The following CPAMD8 variants were observed in gnomAD, a reference collection of about 807,000 sequenced individuals.
The protein encoded by CPAMD8 is C3 and PZP-like alpha-2-macroglobulin domain-containing protein 8.
Under a neutral mutation model 224.7 loss-of-function variants are expected in CPAMD8, and 146 were observed. That is an observed-to-expected ratio of 0.65 (90% CI 0.57 to 0.75). CPAMD8 has a LOEUF of 0.75. Among genes scored for constraint, CPAMD8 ranks in the 30% least tolerant of loss-of-function variants. The probability of loss-of-function intolerance (pLI) is 0.00; values close to 1 mark genes in which losing one functional copy is unlikely to be tolerated. For missense variants in CPAMD8, 2,301 were observed against 2,537.5 expected (o/e 0.91, Z 2.00); for synonymous variants, 966 against 1,044.6 (o/e 0.92, Z 1.45).
chr19:16,899,341 G>A lies in CPAMD8; in HGVS notation c.4848+134C>T, dbSNP rs1299179542. The stretch of plus-strand genomic sequence containing the variant: ...CAAAGTGCTGGGATTACAGGCATGA[G>A]CCACCATGCCCGGCCCCAGTGTCTT... On this transcript the variant is annotated intron_variant, in intron 37 of 41. Coordinates refer to ENST00000443236, the MANE Select transcript of CPAMD8 (RefSeq NM_015692.5). This position sits in a 1 kb window ranked among gnomAD's most constrained non-coding sequence, Gnocchi z 5.4. 1.6e-6 allele frequency: 1 copy of A among 609,502 alleles called. No individual in the cohort carries two copies. The highest frequency in any genetic ancestry group is 3.0e-6 in the Non-Finnish European group (1 of 329,882). 37.8% of individuals were successfully genotyped at this position (609,502 alleles called of 1,614,324 possible).
At position 16,896,626 on chromosome 19, in the gene CPAMD8, T is replaced by G. The variant is rs1041177507; in HGVS notation, c.5105A>C (p.Glu1702Ala). 3 of 1,493,626 alleles carry G rather than the reference T, an allele frequency of 2.0e-6. No individual in the cohort carries two copies. In the African/African-American group the frequency reaches 4.3e-5, roughly 21 times the overall value. The allele number at this position is 1,493,626 out of a possible 1,614,324, so 92.5% of individuals were successfully genotyped here. Residue 1702 changes from glutamate (E) to alanine (A), a missense_variant, in exon 40 of 42, where the codon GAG becomes GCG. Physicochemically the swap from Glu to Ala is moderately radical, Grantham distance 107. This residue lies in a region of CPAMD8 where 1,709 missense variants were observed against 1,753.2 expected (regional missense o/e 0.97). Transcript: ENST00000443236. ...PGESGPAVAP[E>A]EGAAIARCGC... The stretch of plus-strand genomic sequence containing the variant: ...GCATCGCGCGATCGCCGCCCCCTCC[T>G]CAGGGGCCACGGCAGGGCCCGACTC...
intron 27 of CPAMD8, among the ~76,000 whole-genome samples, chr19:16,916,805 C>T (rs556053773): frequency 2.6e-5 from 4 of 152,108 alleles, no homozygotes; most frequent in African/African-American, 7.2e-5. Context: ...TCATCCAGGC[C>T]GTTCTCCCTC....
chr19:16,906,947 C>T lies in CPAMD8; in HGVS notation c.4027+5G>A, dbSNP rs1245203292. ...TGGCCTCTGGGGAGGGCCAGGGACA[C>T]CTACCTCGCATGATGGCCAGGCTAC... On this transcript the variant is annotated splice_donor_5th_base_variant and intron_variant, in intron 30 of 41. Coordinates refer to ENST00000443236, the MANE Select transcript of CPAMD8 (RefSeq NM_015692.5). 5.1e-6 allele frequency: 8 copies of T among 1,578,484 alleles called. No homozygotes were observed. Among genetic ancestry groups the T allele is most frequent in the Non-Finnish European group, 6.9e-6 (8 of 1,162,830 alleles).
At chr19:17,010,207 A>G (rs2056608449) in intron 5 of CPAMD8, among the ~76,000 whole-genome samples, 1 of 152,002 alleles carries the variant, frequency 6.6e-6, no homozygotes, top group Admixed American at 6.6e-5. Flanking sequence ...GTCAATGTCA[A>G]AATTATTTTC....
At position 16,914,727 on chromosome 19, in the gene CPAMD8, C is replaced by T; in HGVS notation, c.3716G>A (p.Trp1239Ter). Residue 1239 changes from tryptophan (W) to a stop codon, truncating the protein, a stop_gained, in exon 28 of 42, where the codon TGG becomes TAG. Transcript: ENST00000443236. LOFTEE classifies it high-confidence loss of function. ...ATCGGCCTGCTGCTGCTGGATGATCCAGCTCTTGGCGGCAGCCAGCTCCCG... is the reference window on the plus strand; with the variant it reads ...ATCGGCCTGCTGCTGCTGGATGATCTAGCTCTTGGCGGCAGCCAGCTCCCG... ...DPRELAAAKS[W>*]IIQQQQADGS... 6.2e-7 allele frequency: 1 copy of T among 1,614,118 alleles called. No individual in the cohort carries two copies. The highest frequency in any genetic ancestry group is 8.5e-7 in the Non-Finnish European group (1 of 1,179,998).
At position 16,904,693 on chromosome 19, in the gene CPAMD8, G is replaced by T. The variant is rs2052401767; in HGVS notation, c.4028-141C>A. Reference sequence around the variant, plus strand: ...GAAGAGTATCAGGGGAAGACAGCTGGAACAGGAAGGGCCTTGGGGCTCCAT... The same window carrying T: ...GAAGAGTATCAGGGGAAGACAGCTGTAACAGGAAGGGCCTTGGGGCTCCAT... On this transcript the variant is annotated intron_variant, in intron 30 of 41. Transcript: ENST00000443236. 16 of 669,972 alleles carry T rather than the reference G, an allele frequency of 2.4e-5. No individual in the cohort carries two copies. The Admixed American group carries it at 2.9e-4, about 12-fold the overall frequency. The allele number at this position is 669,972 out of a possible 1,614,324, so 41.5% of individuals were successfully genotyped here. A position where few individuals can be genotyped will look rare whatever the true frequency, so the allele number is the denominator to read the frequency against.
At chr19:17,014,024 C>T (rs59781489) in intron 3 of CPAMD8, among the ~76,000 whole-genome samples, 96,506 of 138,090 alleles carry the variant, frequency 0.7, 32,558 homozygotes, top group Middle Eastern at 0.73. Flanking sequence ...CCCTCCATCC[C>T]TCCCTTCTTT....
chr19:16,925,678 T>A (rs2144932502), intron 25 of CPAMD8, among the ~76,000 whole-genome samples: 1 of 152,358 alleles, frequency 6.6e-6, no homozygotes, highest in African/African-American at 2.4e-5. Context: ...CATTGGCCTC[T>A]AAGTACAACT....
At chr19:16,971,978 C>G (rs766787087) in intron 17 of CPAMD8, among the ~76,000 whole-genome samples, 8 of 151,850 alleles carry the variant, frequency 5.3e-5, no homozygotes, top group Non-Finnish European at 7.4e-5. Context: ...ACCCAGGAGG[C>G]GGAGGTTGCA....
At chr19:16,943,435 GCT>G (rs2053972167) in intron 22 of CPAMD8, among the ~76,000 whole-genome samples, 1 of 151,028 alleles carries the variant, frequency 6.6e-6, no homozygotes, top group Admixed American at 6.6e-5. Flanking sequence ...ACAGGGTCTG[GCT>G]CTGTTTTCCA....
intron 29 of CPAMD8, 23 bp downstream of exon 29, chr19:16,914,401 C>T: frequency 3.1e-6 from 5 of 1,610,802 alleles, no homozygotes; most frequent in Non-Finnish European, 4.2e-6. Context: ...CCCCGAGTCT[C>T]CCCAAACCCC....
At chr19:16,938,508 G>T in intron 22 of CPAMD8, 62 bp from the exon 23 acceptor site, 1 of 896,422 alleles carries the variant, frequency 1.1e-6, no homozygotes, top group Non-Finnish European at 1.8e-6. Flanking sequence ...TCAGCTCAGC[G>T]GAGCAGCTGG....
In CPAMD8 at chr19:16,970,979, C is replaced by G. The variant is rs575780371; in HGVS notation, c.2125G>C (p.Gly709Arg). The G allele has an allele frequency of 2.5e-6, 4 of 1,613,584 alleles. No homozygotes were observed. The African/African-American group carries it at 4.0e-5, about 16-fold the overall frequency. ...DRVSLNHRQD[G>R]GLYTDEAVPA... Reference sequence around the variant, plus strand: ...ACAGCCTCATCGGTGTAGAGGCCACCGTCCTGCCGGTGGTTCAGGCTCACT... The same window carrying G: ...ACAGCCTCATCGGTGTAGAGGCCACGGTCCTGCCGGTGGTTCAGGCTCACT... The change falls in exon 18 of 42, where the codon GGT becomes CGT. Residue 709 changes from glycine (G) to arginine (R), a missense_variant. Around this residue, in one of 4 missense-constraint regions of CPAMD8, gnomAD observed 1,709 missense variants for 1,753.2 expected, o/e 0.97. Transcript: ENST00000443236.
intron 11 of CPAMD8, among the ~76,000 whole-genome samples, chr19:16,995,945 T>C (rs1274702478): frequency 6.6e-6 from 1 of 151,786 alleles, no homozygotes; most frequent in African/African-American, 2.4e-5. Context: ...AGGTCAGGTG[T>C]TCAAGACCAG....
intron 18 of CPAMD8, among the ~76,000 whole-genome samples, chr19:16,968,906 G>T (rs534005650): frequency 6.6e-6 from 1 of 152,160 alleles, no homozygotes; most frequent in African/African-American, 2.4e-5. Flanking sequence ...CCAAAGTGCT[G>T]GGGTTACAGG....
At chr19:16,905,559 A>G (rs1163925796) in intron 30 of CPAMD8, among the ~76,000 whole-genome samples, 7 of 129,574 alleles carry the variant, frequency 5.4e-5, no homozygotes, top group East Asian at 2.1e-4. Context: ...AAAAAAAAAA[A>G]GGAAGAAAAG....
intron 25 of CPAMD8, among the ~76,000 whole-genome samples, chr19:16,927,299 G>A (rs907669677): frequency 5.9e-5 from 9 of 151,978 alleles, no homozygotes; most frequent in South Asian, 2.1e-4. Flanking sequence ...TTTATAAGGC[G>A]AAAACCCCTT....
At chr19:16,951,925 C>A in intron 20 of CPAMD8, 44 bp downstream of exon 20, 2 of 1,245,628 alleles carry the variant, frequency 1.6e-6, no homozygotes, top group Non-Finnish European at 2.3e-6. Flanking sequence ...AGTCCCAACT[C>A]CCCACTGAAT....
intron 13 of CPAMD8, among the ~76,000 whole-genome samples, chr19:16,986,306 T>G (rs1015347334): frequency 6.6e-6 from 1 of 152,038 alleles, no homozygotes; most frequent in South Asian, 2.1e-4. Context: ...GTTTGGTGGG[T>G]AGGACGCGCT....
Sources: gnomAD v4.1 joint callset for allele counts (sites outside exome capture counted in the v4.1 genomes callset) on GRCh38, gnomAD v4.1.1 for gene constraint, gnomAD v4.1.1 regional missense constraint, Gnocchi (gnomAD v3.1) non-coding constraint, MANE v1.5 for transcripts, NCBI Gene and HGNC (gene_info 2026-07-23, HGNC 2026-07-21) for gene names.